CAPN2: variants seen among roughly 807,000 people sequenced by gnomAD.
CAPN2 encodes the protein calpain-2 catalytic subunit.
A neutral mutation model predicts 102.3 loss-of-function variants in CAPN2; 92 were observed. The ratio of observed to expected loss-of-function variants is 0.90; its 90% confidence interval spans 0.76 to 1.07. CAPN2 has a LOEUF of 1.07. Ranked by LOEUF, CAPN2 falls within the 50% of genes least tolerant of loss-of-function variation. The probability of loss-of-function intolerance (pLI) is 0.00; values close to 1 mark genes in which losing one functional copy is unlikely to be tolerated. For synonymous variants in CAPN2, 340 were observed against 355.4 expected (o/e 0.96, Z 0.49); for missense variants, 800 against 909.4 (o/e 0.88, Z 1.55).
chr1:223,741,936 T>C (rs1244681757), intron 2 of CAPN2, among the ~76,000 whole-genome samples: 1 of 151,972 alleles, frequency 6.6e-6, no homozygotes, highest in African/African-American at 2.4e-5. Context: ...GCTACAAGGC[T>C]ACCAACTGAC....
chr1:223,766,638 C>A (rs905449972), intron 16 of CAPN2, among the ~76,000 whole-genome samples: 2 of 152,180 alleles, frequency 1.3e-5, no homozygotes, highest in Admixed American at 6.5e-5. Flanking sequence ...GCTACACCCC[C>A]CCTCCCACCT....
At chr1:223,767,642 A>G (rs1441398551) in intron 16 of CAPN2, among the ~76,000 whole-genome samples, 1 of 149,810 alleles carries the variant, frequency 6.7e-6, no homozygotes. Flanking sequence ...TAATGCCGCA[A>G]TAAACATACG....
chr1:223,729,073 C>T (rs1308691314), intron 2 of CAPN2, among the ~76,000 whole-genome samples: 3 of 152,220 alleles, frequency 2.0e-5, no homozygotes, highest in Non-Finnish European at 2.9e-5. Context: ...TCTATTCCCC[C>T]ATTACTCCAA....
intron 3 of CAPN2, 35 bp from the exon 4 acceptor site, chr1:223,745,271 A>C (rs1660724554): frequency 6.2e-7 from 1 of 1,613,620 alleles, no homozygotes; most frequent in Middle Eastern, 1.7e-4. Flanking sequence ...TGCTGCCACC[A>C]GCTCCTCCTG....
rs1420764176 is a variant in CAPN2 at position 223,712,554 on chromosome 1, G to T, written c.-87G>T. Reference sequence around the variant, plus strand: ...CGGCGCCCGCAGTGGCCGCAGCAGCGCGCCGGGCCCTGGCCGCGCCCCAGC... The same window carrying T: ...CGGCGCCCGCAGTGGCCGCAGCAGCTCGCCGGGCCCTGGCCGCGCCCCAGC... On this transcript the variant is annotated 5_prime_UTR_variant, in exon 1 of 21. Coordinates refer to ENST00000295006, the MANE Select transcript of CAPN2 (RefSeq NM_001748.5). 3 of 1,300,074 alleles carry T rather than the reference G, an allele frequency of 2.3e-6. No homozygotes were observed. The highest frequency in any genetic ancestry group is 2.9e-6 in the Non-Finnish European group (3 of 1,028,972). The allele number at this position is 1,300,074 out of a possible 1,614,324, so 80.5% of individuals were successfully genotyped here.
intron 2 of CAPN2, among the ~76,000 whole-genome samples, chr1:223,718,567 A>G (rs1169498924): frequency 6.6e-6 from 1 of 152,222 alleles, no homozygotes; most frequent in Non-Finnish European, 1.5e-5. Context: ...TAAGATTCTC[A>G]TAGAATCTGC....
At chr1:223,723,185 A>G (rs1001692276) in intron 2 of CAPN2, among the ~76,000 whole-genome samples, 9 of 152,144 alleles carry the variant, frequency 5.9e-5, no homozygotes, top group African/African-American at 1.9e-4. Context: ...TTGGTGGCAC[A>G]TGCCTGTCGT....
intron 17 of CAPN2, 111 bp downstream of exon 17, chr1:223,770,020 AT>A: frequency 2.1e-6 from 2 of 940,108 alleles, no homozygotes; most frequent in Non-Finnish European, 1.7e-6. Flanking sequence ...GGGGATTGGG[AT>A]TTTACCCATA....
Position 223,771,679 on chromosome 1 carries a change from GA to G in CAPN2, c.1904-128del, listed in dbSNP as rs1203582306. 1.3e-5 allele frequency: 9 copies of G among 702,484 alleles called. No individual in the cohort carries two copies. The East Asian group carries it at 2.2e-4, about 18-fold the overall frequency. 43.5% of individuals were successfully genotyped at this position (702,484 alleles called of 1,614,324 possible). A position where few individuals can be genotyped will look rare whatever the true frequency, so the allele number is the denominator to read the frequency against. On this transcript the variant is annotated intron_variant, in intron 18 of 20. Coordinates refer to ENST00000295006, the MANE Select transcript of CAPN2 (RefSeq NM_001748.5). Reference sequence around the variant, plus strand: ...TTTGCAAAATCAAACCAGTCTCACAGAAGAGCAGCCAAGGGACAAAAGCAAT... The same window carrying G: ...TTTGCAAAATCAAACCAGTCTCACAGAGAGCAGCCAAGGGACAAAAGCAAT...
chr1:223,717,866 T>C, intron 2 of CAPN2, 35 bp downstream of exon 2: 1 of 1,525,628 alleles, frequency 6.6e-7, no homozygotes, highest in Non-Finnish European at 9.1e-7. Context: ...TGGGGGATCT[T>C]GTCTGTAAGG....
intron 2 of CAPN2, among the ~76,000 whole-genome samples, chr1:223,734,711 T>A (rs1310281359): frequency 6.6e-6 from 1 of 152,104 alleles, no homozygotes; most frequent in East Asian, 1.9e-4. Flanking sequence ...CATGTACCAA[T>A]CGAAACTCCA....
At chr1:223,764,023 G>C (rs1047542478) in intron 14 of CAPN2, 127 bp from the exon 15 acceptor site, 61 of 729,802 alleles carry the variant, frequency 8.4e-5, no homozygotes, top group East Asian at 1.0e-4. Flanking sequence ...AACATGGCTC[G>C]GGGGCTTGTT....
intron 2 of CAPN2, among the ~76,000 whole-genome samples, chr1:223,740,155 G>A (rs1660577007): frequency 2.0e-5 from 3 of 152,162 alleles, no homozygotes; most frequent in South Asian, 4.1e-4. Flanking sequence ...TTCTTGTTGG[G>A]AGGAACCCTC....
intron 1 of CAPN2, among the ~76,000 whole-genome samples, chr1:223,713,115 C>T (rs1659786852): frequency 6.6e-6 from 1 of 152,150 alleles, no homozygotes; most frequent in African/African-American, 2.4e-5. Context: ...CTGGGCGGGT[C>T]GAGGCGAATC....
chr1:223,748,921 C>A, intron 5 of CAPN2, 118 bp from the exon 6 acceptor site: 1 of 888,696 alleles, frequency 1.1e-6, no homozygotes, highest in Non-Finnish European at 1.8e-6. Context: ...CACCCCAGGC[C>A]TCGGCCGCTG....
intron 2 of CAPN2, among the ~76,000 whole-genome samples, chr1:223,741,316 C>G (rs1660604379): frequency 1.3e-5 from 2 of 151,192 alleles, no homozygotes; most frequent in Admixed American, 1.3e-4. Flanking sequence ...CAAATGCTTC[C>G]CACCTTTTTA....
chr1:223,755,695 C>A lies in CAPN2; in HGVS notation c.1305+46C>A, dbSNP rs182554235. On this transcript the variant is annotated intron_variant, in intron 10 of 20. Transcript: ENST00000295006. The surrounding 1 kb of genome is among the most constrained non-coding windows in gnomAD (Gnocchi z 4.1). ...TGCCCTCCCTTCCCCATGTGTTCATCTCAGCCCCTGCATGGAAAGCTGACC... is the reference window on the plus strand; with the variant it reads ...TGCCCTCCCTTCCCCATGTGTTCATATCAGCCCCTGCATGGAAAGCTGACC... The A allele has an allele frequency of 3.4e-4, 510 of 1,492,698 alleles. 1 individual carries two copies. In the African/African-American group the frequency reaches 6.6e-3, roughly 19 times the overall value. The allele number at this position is 1,492,698 out of a possible 1,614,324, so 92.5% of individuals were successfully genotyped here.
In CAPN2 at chr1:223,759,324, G is replaced by T. The variant is rs370722848; in HGVS notation, c.1372G>T (p.Ala458Ser). ...LSKNFFLTNR[A>S]RERSDTFINL... ...CAAAAACTTCTTCCTGACGAATCGC[G>T]CCAGGGAGCGCTCAGACACCTTCAT... Residue 458 changes from alanine (A) to serine (S), a missense_variant, in exon 12 of 21, where the codon GCC becomes TCC. Coordinates refer to ENST00000295006, the MANE Select transcript of CAPN2 (RefSeq NM_001748.5). The surrounding 1 kb of genome is among the most constrained non-coding windows in gnomAD (Gnocchi z 4.6). 1.9e-6 allele frequency: 3 copies of T among 1,614,178 alleles called. No homozygotes were observed. The highest frequency in any genetic ancestry group is 1.7e-6 in the Non-Finnish European group (2 of 1,180,038).
rs373374662 is a variant in CAPN2, at chr1:223,755,677, C to T, written c.1305+28C>T. ...GCAGAGCGCAGGGGCTCCTGCCCTC[C>T]CTTCCCCATGTGTTCATCTCAGCCC... On this transcript the variant is annotated intron_variant, in intron 10 of 20. Coordinates refer to ENST00000295006, the MANE Select transcript of CAPN2 (RefSeq NM_001748.5). This position sits in a 1 kb window ranked among gnomAD's most constrained non-coding sequence, Gnocchi z 4.1. 18 of 1,531,488 alleles carry T rather than the reference C, an allele frequency of 1.2e-5. No homozygotes were observed. Among genetic ancestry groups the T allele is most frequent in the Non-Finnish European group, 1.6e-5 (18 of 1,137,920 alleles). 94.9% of individuals were successfully genotyped at this position (1,531,488 alleles called of 1,614,324 possible).
Sources: allele counts gnomAD v4.1 joint callset (sites outside exome capture counted in the v4.1 genomes callset), GRCh38; gene constraint gnomAD v4.1.1; non-coding constraint Gnocchi (gnomAD v3.1); transcripts MANE v1.5; gene names NCBI Gene and HGNC (gene_info 2026-07-23, HGNC 2026-07-21).